Variants in PLCE1 observed in about 807,000 individuals in gnomAD.
The protein encoded by PLCE1 is 1-phosphatidylinositol 4,5-bisphosphate phosphodiesterase epsilon-1.
In PLCE1, 119 loss-of-function variants were observed where a neutral mutation model predicts 242.8. The ratio of observed to expected loss-of-function variants is 0.49; its 90% CI spans 0.42 to 0.57. PLCE1 has a LOEUF of 0.57. Among genes scored for constraint, PLCE1 ranks in the 20% least tolerant of loss-of-function variants. The pLI is 0.00. For synonymous variants in PLCE1, 945 were observed against 1,017.4 expected, an observed-to-expected ratio of 0.93 and a Z score of 1.35; for missense variants, 2,441 against 2,788.8, an observed-to-expected ratio of 0.88 and a Z score of 2.81.
chr10:94,322,734 G>A (rs916987046), intron 30 of PLCE1, among the ~76,000 whole-genome samples: 3 of 151,724 alleles, frequency 2.0e-5, no homozygotes, highest in Non-Finnish European at 2.9e-5. Context: ...GCAGTGAGCC[G>A]AGATCATGCC....
Position 94,322,014 on chromosome 10 carries a change from C to T in PLCE1, c.6456C>T (p.Val2152=). ...TTTCTCCAGAGCAACCTCGAACAGTCATCAAAGCACCCCGCGTCAGCACTG... is the reference window on the plus strand; with the variant it reads ...TTTCTCCAGAGCAACCTCGAACAGTTATCAAAGCACCCCGCGTCAGCACTG... ...HDVSPEQPRT[V]IKAPRVSTAQ... is the part of the protein sequence containing the mutation. Residue 2152 remains valine (V), a synonymous_variant, in exon 30 of 33, where the codon GTC becomes GTT. Transcript: ENST00000371380. The T allele has an allele frequency of 6.2e-7, 1 of 1,614,144 alleles. No homozygotes were observed. The highest frequency in any genetic ancestry group is 8.5e-7 in the Non-Finnish European group (1 of 1,179,988).
chr10:94,261,369 G>A (rs566942087), intron 13 of PLCE1, among the ~76,000 whole-genome samples: 65 of 152,082 alleles, frequency 4.3e-4, no homozygotes, highest in Non-Finnish European at 8.2e-4. Flanking sequence ...TCCATTTTGC[G>A]GAGGTACTAC....
At chr10:94,258,504 C>T (rs572114227) in intron 11 of PLCE1, among the ~76,000 whole-genome samples, 1 of 152,088 alleles carries the variant, frequency 6.6e-6, no homozygotes, top group African/African-American at 2.4e-5. Context: ...GTTATTTTGC[C>T]CATTGATCTG....
intron 2 of PLCE1, among the ~76,000 whole-genome samples, chr10:94,123,597 C>G (rs1309472096): frequency 6.6e-6 from 1 of 152,194 alleles, no homozygotes; most frequent in East Asian, 1.9e-4. Flanking sequence ...GCAACTACCC[C>G]CTCCAACAGC....
chr10:94,212,358 G>T (rs1333364784), intron 4 of PLCE1, among the ~76,000 whole-genome samples: 1 of 152,110 alleles, frequency 6.6e-6, no homozygotes, highest in African/African-American at 2.4e-5. Context: ...CCGGGTTCAC[G>T]CCATTCTCCT....
At chr10:94,320,599 G>T (rs1207794207) in intron 29 of PLCE1, among the ~76,000 whole-genome samples, 1 of 152,202 alleles carries the variant, frequency 6.6e-6, no homozygotes, top group African/African-American at 2.4e-5. Context: ...GCCTGGTCTG[G>T]AGAGATGAGG....
At chr10:94,327,341 T>C in intron 32 of PLCE1, among the ~76,000 whole-genome samples, 1 of 151,990 alleles carries the variant, frequency 6.6e-6, no homozygotes, top group Non-Finnish European at 1.5e-5. Flanking sequence ...ATGCCTGTAA[T>C]CCCAGCACTG....
At chr10:94,074,624 G>C (rs1166760409) in intron 2 of PLCE1, among the ~76,000 whole-genome samples, 1 of 152,082 alleles carries the variant, frequency 6.6e-6, no homozygotes, top group Non-Finnish European at 1.5e-5. Flanking sequence ...TCTTTATTAA[G>C]TCCAAAATGT....
At chr10:94,145,604 G>T (rs546197086) in intron 3 of PLCE1, among the ~76,000 whole-genome samples, 1 of 152,068 alleles carries the variant, frequency 6.6e-6, no homozygotes, top group South Asian at 2.1e-4. Flanking sequence ...CCCTTGGCCC[G>T]TGGGCTGACA....
chr10:94,019,188 G>T (rs1340377069), intron 1 of PLCE1, among the ~76,000 whole-genome samples: 1 of 152,160 alleles, frequency 6.6e-6, no homozygotes, highest in Non-Finnish European at 1.5e-5. Flanking sequence ...ATGAAGGCAG[G>T]ATATGAACCC....
intron 2 of PLCE1, among the ~76,000 whole-genome samples, chr10:94,118,437 C>A (rs976268804): frequency 1.0e-5 from 1 of 100,460 alleles, no homozygotes; most frequent in African/African-American, 3.0e-5. Flanking sequence ...TGTCCCCACC[C>A]AAATCTCACC....
intron 3 of PLCE1, among the ~76,000 whole-genome samples, chr10:94,135,842 T>C (rs1024304863): frequency 2.6e-5 from 4 of 152,208 alleles, no homozygotes; most frequent in Non-Finnish European, 5.9e-5. Context: ...GTTTTAGCCA[T>C]TTCTGAGATT....
chr10:94,255,908 A>ACT (rs1564834283), intron 11 of PLCE1, among the ~76,000 whole-genome samples: 1 of 96,204 alleles, frequency 1.0e-5, no homozygotes, highest in African/African-American at 4.1e-5. Flanking sequence ...ACACACACAC[A>ACT]CACACACTCT....
chr10:94,038,700 AT>A (rs967011841), intron 2 of PLCE1, among the ~76,000 whole-genome samples: 1 of 151,992 alleles, frequency 6.6e-6, no homozygotes, highest in African/African-American at 2.4e-5. Flanking sequence ...GTGTCTTCTT[AT>A]TTTTTTTAAC....
At chr10:94,301,242 G>A (rs1404122038) in intron 24 of PLCE1, among the ~76,000 whole-genome samples, 1 of 151,730 alleles carries the variant, frequency 6.6e-6, no homozygotes, top group Non-Finnish European at 1.5e-5. Context: ...TACTCAGGAG[G>A]CTAAGGCAAA....
intron 3 of PLCE1, among the ~76,000 whole-genome samples, chr10:94,134,585 G>A (rs1005544276): frequency 1.3e-5 from 2 of 152,168 alleles, no homozygotes; most frequent in Non-Finnish European, 2.9e-5. Flanking sequence ...CATGACAAAT[G>A]TATACAGTTT....
Position 94,172,095 on chromosome 10 carries a change from T to C in PLCE1, c.1809+599T>C, listed in dbSNP as rs561496599. ...AGAAGCCAGTTCTGAAGAAGACAGG[T>C]GTGACTGGAGTCTGGGAATACTTAG... On this transcript the variant is annotated intron_variant, in intron 4 of 32. Transcript: ENST00000371380. 1.4e-4 allele frequency among the ~76,000 whole-genome samples: 21 copies of C among 152,114 alleles called. No individual in the cohort carries two copies. The South Asian group carries it at 4.4e-3, about 32-fold the overall frequency.
rs200419008 is a variant in PLCE1, at chr10:94,252,352, G to A, written c.3133G>A (p.Ala1045Thr). ...GTATGAAGGCCCAACTTTGGCTCAC[G>A]CTGTGGAGTTGTTTGGTGGCAGACG... is the stretch of plus-strand genomic sequence containing the variant. Reference protein sequence around the residue: ...GRYEGPTLAHAVELFGGRRWS... With the variant: ...GRYEGPTLAHTVELFGGRRWS... Residue 1045 changes from alanine to threonine, a missense_variant, in exon 9 of 33, where the codon GCT (alanine) becomes ACT (threonine). Around this residue, in one of 5 missense-constraint regions of PLCE1, gnomAD observed 1,004 missense variants for 1,322.7 expected, o/e 0.76. Coordinates refer to ENST00000371380, the MANE Select transcript of PLCE1 (RefSeq NM_016341.4). The A allele has an allele frequency of 2.7e-5, 43 of 1,613,950 alleles. No homozygotes were observed. Among genetic ancestry groups the A allele is most frequent in the Non-Finnish European group, 3.2e-5 (38 of 1,179,988 alleles).
chr10:94,044,694 T>C (rs907563098), intron 2 of PLCE1, among the ~76,000 whole-genome samples: 1 of 152,190 alleles, frequency 6.6e-6, no homozygotes, highest in Admixed American at 6.5e-5. Context: ...GCCCTGTCTC[T>C]TCCACCTTCC....
Sources: allele counts gnomAD v4.1 joint callset (sites outside exome capture counted in the v4.1 genomes callset), GRCh38; gene constraint gnomAD v4.1.1; regional missense constraint gnomAD v4.1.1; transcripts MANE v1.5; gene names NCBI Gene and HGNC (gene_info 2026-07-23, HGNC 2026-07-21).